ROR1: variants seen among roughly 807,000 people sequenced by gnomAD.
ROR1 encodes the protein ROR family WNT receptor 1, also known as inactive tyrosine-protein kinase transmembrane receptor ROR1.
ROR1 carries 19 observed loss-of-function variants against 78.8 expected under a neutral mutation model. The observed-to-expected ratio is 0.24, with a 90% CI of 0.17 to 0.35. The LOEUF (loss-of-function observed/expected upper bound fraction) is 0.35, where lower values mean the gene tolerates loss of function less well. ROR1 is among the 10% of genes least tolerant of loss of function. The probability of loss-of-function intolerance (pLI) is 1.00; values close to 1 mark genes in which losing one functional copy is unlikely to be tolerated. For synonymous variants in ROR1, 386 were observed against 433.6 expected (o/e 0.89, Z 1.36); for missense variants, 917 against 1,177.8 (o/e 0.78, Z 3.24).
intron 1 of ROR1, among the ~76,000 whole-genome samples, chr1:63,932,534 G>A (rs922912742): frequency 5.9e-5 from 9 of 152,182 alleles, no homozygotes; most frequent in African/African-American, 1.9e-4. Context: ...TTGGTCGGTA[G>A]CATTTCTACT....
At chr1:64,137,958 AGTCCCC>A (rs1649172589) in intron 5 of ROR1, among the ~76,000 whole-genome samples, 1 of 152,202 alleles carries the variant, frequency 6.6e-6, no homozygotes, top group Non-Finnish European at 1.5e-5. Context: ...TTTCCCAAAA[AGTCCCC>A]TTCTTCATCT....
intron 1 of ROR1, among the ~76,000 whole-genome samples, chr1:63,939,418 T>C: frequency 6.6e-6 from 1 of 152,246 alleles, no homozygotes; most frequent in Non-Finnish European, 1.5e-5. Context: ...CCCTAAGAAG[T>C]AAAAATTTTG....
chr1:64,080,674 G>A (rs560311887), intron 4 of ROR1, among the ~76,000 whole-genome samples: 1 of 152,216 alleles, frequency 6.6e-6, no homozygotes, highest in Non-Finnish European at 1.5e-5. Flanking sequence ...GCCACAGCTT[G>A]CAGAGAAAAA....
intron 4 of ROR1, among the ~76,000 whole-genome samples, chr1:64,133,346 T>C (rs941240395): frequency 1.3e-5 from 2 of 152,204 alleles, no homozygotes; most frequent in African/African-American, 4.8e-5. Flanking sequence ...AACTAGATTA[T>C]GAAGTCTCTG....
intron 1 of ROR1, among the ~76,000 whole-genome samples, chr1:63,828,302 G>T (rs2100295159): frequency 6.6e-6 from 1 of 152,162 alleles, no homozygotes; most frequent in South Asian, 2.1e-4. Flanking sequence ...CCTTATTTTT[G>T]TTTTCATTAC....
intron 7 of ROR1, among the ~76,000 whole-genome samples, chr1:64,156,621 C>T (rs555912803): frequency 9.4e-5 from 14 of 148,468 alleles, no homozygotes; most frequent in Middle Eastern, 3.6e-3. Context: ...GCAGGTGAAT[C>T]GCTTGAACCC....
rs913892528 is a variant in ROR1 at position 63,774,249 on chromosome 1, A to G, written c.-169A>G. ...GCGCTCGCGGCATCCAGAGGCGGCCAGGCGGAGGCGAGGGAGCAGGTTAGA... is the reference window on the plus strand; with the variant it reads ...GCGCTCGCGGCATCCAGAGGCGGCCGGGCGGAGGCGAGGGAGCAGGTTAGA... On this transcript the variant is annotated 5_prime_UTR_variant, in exon 1 of 9. Coordinates refer to ENST00000371079, the MANE Select transcript of ROR1 (RefSeq NM_005012.4). This position sits in a 1 kb window ranked among gnomAD's most constrained non-coding sequence, Gnocchi z 5.7. 3.3e-6 allele frequency: 1 copy of G among 301,544 alleles called. No homozygotes were observed. The highest frequency in any genetic ancestry group is 5.9e-6 in the Non-Finnish European group (1 of 169,274). The allele number at this position is 301,544 out of a possible 1,614,324, so 18.7% of individuals were successfully genotyped here. A position where few individuals can be genotyped will look rare whatever the true frequency, so the allele number is the denominator to read the frequency against.
At chr1:63,972,565 T>C (rs1216689771) in intron 1 of ROR1, among the ~76,000 whole-genome samples, 1 of 152,198 alleles carries the variant, frequency 6.6e-6, no homozygotes, top group Non-Finnish European at 1.5e-5. Context: ...CAAACATAGA[T>C]ATTTGTGGAA....
At chr1:63,996,219 T>A (rs1646335914) in intron 1 of ROR1, among the ~76,000 whole-genome samples, 1 of 152,168 alleles carries the variant, frequency 6.6e-6, no homozygotes, top group South Asian at 2.1e-4. Flanking sequence ...GTAGATCACC[T>A]TACAAAGTGC....
chr1:64,098,629 C>T (rs1044443814), intron 4 of ROR1, among the ~76,000 whole-genome samples: 3 of 152,132 alleles, frequency 2.0e-5, no homozygotes, highest in Non-Finnish European at 2.9e-5. Context: ...TCAGTCACAC[C>T]TCCCTGTTTA....
At chr1:63,972,478 G>C (rs1416201550) in intron 1 of ROR1, among the ~76,000 whole-genome samples, 1 of 152,080 alleles carries the variant, frequency 6.6e-6, no homozygotes, top group Non-Finnish European at 1.5e-5. Context: ...GCTCAGTAAG[G>C]TTTTTTTATT....
chr1:63,939,181 T>G (rs1192326328), intron 1 of ROR1, among the ~76,000 whole-genome samples: 2 of 152,184 alleles, frequency 1.3e-5, no homozygotes, highest in African/African-American at 4.8e-5. Context: ...TTTCCCAGAT[T>G]CTTTTCATTG....
intron 4 of ROR1, among the ~76,000 whole-genome samples, chr1:64,062,759 T>C (rs1202307787): frequency 2.0e-5 from 3 of 152,198 alleles, no homozygotes; most frequent in African/African-American, 7.2e-5. Flanking sequence ...TCATAGAGCT[T>C]TTTGAGGGAA....
intron 1 of ROR1, among the ~76,000 whole-genome samples, chr1:63,878,695 A>G (rs905543594): frequency 1.3e-5 from 2 of 152,076 alleles, no homozygotes; most frequent in Admixed American, 6.5e-5. Flanking sequence ...CAGAAAACCT[A>G]AAGGTGGAGC....
intron 1 of ROR1, among the ~76,000 whole-genome samples, chr1:63,878,206 G>A (rs141625398): frequency 3.0e-4 from 46 of 152,268 alleles, no homozygotes; most frequent in African/African-American, 9.1e-4. Context: ...GGGTCTGCCC[G>A]TGAAGGACCA....
intron 1 of ROR1, among the ~76,000 whole-genome samples, chr1:63,899,661 A>C (rs896023727): frequency 4.6e-5 from 7 of 152,092 alleles, no homozygotes; most frequent in Middle Eastern, 3.4e-3. Context: ...GGCACCAGGA[A>C]ACCTAAGCAG....
chr1:63,917,162 T>A (rs1471248959), intron 1 of ROR1, among the ~76,000 whole-genome samples: 3 of 152,182 alleles, frequency 2.0e-5, no homozygotes, highest in Admixed American at 2.0e-4. Context: ...GTGGCTCCTG[T>A]CCCAGTTTAT....
chr1:63,995,416 C>T (rs1029283658), intron 1 of ROR1, among the ~76,000 whole-genome samples: 8 of 152,182 alleles, frequency 5.3e-5, no homozygotes, highest in African/African-American at 1.9e-4. Flanking sequence ...GCTGCCAACA[C>T]AAGACCCTGT....
chr1:64,098,015 C>T (rs1647364744), intron 4 of ROR1, among the ~76,000 whole-genome samples: 1 of 148,890 alleles, frequency 6.7e-6, no homozygotes, highest in Non-Finnish European at 1.5e-5. Flanking sequence ...TTAGCATCTG[C>T]CTCACACTCC....
Sources: gnomAD v4.1 joint callset for allele counts (sites outside exome capture counted in the v4.1 genomes callset) on GRCh38, gnomAD v4.1.1 for gene constraint, Gnocchi (gnomAD v3.1) non-coding constraint, MANE v1.5 for transcripts, NCBI Gene and HGNC (gene_info 2026-07-23, HGNC 2026-07-21) for gene names.